The following DROSHA variants were observed in gnomAD, a reference collection of about 807,000 sequenced individuals.
DROSHA encodes the protein ribonuclease 3.
In DROSHA, 56 loss-of-function variants were observed where a neutral mutation model predicts 181.9. That is an observed-to-expected ratio of 0.31 (90% CI 0.25 to 0.38). DROSHA has a LOEUF of 0.38. Among genes scored for constraint, DROSHA ranks in the 10% least tolerant of loss-of-function variants. The pLI is 1.00. For synonymous variants in DROSHA, 524 were observed against 591.2 expected (o/e 0.89, Z 1.65); for missense variants, 1,218 against 1,743.5 (o/e 0.70, Z 5.37).
At chr5:31,444,355 G>T (rs1419584070) in intron 23 of DROSHA, among the ~76,000 whole-genome samples, 1 of 152,148 alleles carries the variant, frequency 6.6e-6, no homozygotes, top group African/African-American at 2.4e-5. Context: ...AGCAGCAAAG[G>T]CCAAATGTCA....
At position 31,526,734 on chromosome 5, in the gene DROSHA, G is replaced by A. The variant is rs35342496; in HGVS notation, c.199C>T (p.Pro67Ser). The A allele has an allele frequency of 2.6e-5, 41 of 1,578,266 alleles. No homozygotes were observed. The South Asian group carries it at 4.8e-4, about 19-fold the overall frequency. The change falls in exon 5 of 36, where the codon CCA becomes TCA. Residue 67 changes from proline to serine, a missense_variant. Around this residue, in one of 8 missense-constraint regions of DROSHA, gnomAD observed 536 missense variants for 535.4 expected, o/e 1.00. Transcript: ENST00000344624. The stretch of plus-strand genomic sequence containing the variant: ...CGTGGAGGGAGAAAATTGGGGGCTG[G>A]AGAGTTTGAGAAAGTGGTGGAAGGG... ...SAPSTTFSNS[P>S]APNFLPPRPD...
chr5:31,463,553 T>A (rs1028320939), intron 20 of DROSHA, among the ~76,000 whole-genome samples: 1 of 152,200 alleles, frequency 6.6e-6, no homozygotes, highest in Non-Finnish European at 1.5e-5. Context: ...TTTCCTTTAC[T>A]GTAATTCTCA....
intron 20 of DROSHA, among the ~76,000 whole-genome samples, chr5:31,462,579 T>C (rs1261737925): frequency 6.7e-6 from 1 of 148,564 alleles, no homozygotes; most frequent in Non-Finnish European, 1.5e-5. Context: ...ATTTGTGATA[T>C]AGCTGAAGAA....
At chr5:31,487,304 C>T (rs923415653) in intron 13 of DROSHA, among the ~76,000 whole-genome samples, 1 of 152,122 alleles carries the variant, frequency 6.6e-6, no homozygotes, top group African/African-American at 2.4e-5. Context: ...TAGAGTATAC[C>T]CCTCTCATTA....
chr5:31,428,493 T>C (rs1285529660), intron 27 of DROSHA, among the ~76,000 whole-genome samples: 1 of 152,068 alleles, frequency 6.6e-6, no homozygotes, highest in Non-Finnish European at 1.5e-5. Flanking sequence ...AGGACAAAAA[T>C]GGGGGACACA....
At chr5:31,480,228 A>T (rs1750888271) in intron 16 of DROSHA, among the ~76,000 whole-genome samples, 1 of 141,116 alleles carries the variant, frequency 7.1e-6, no homozygotes, top group East Asian at 2.1e-4. Context: ...AATGTCCATT[A>T]ATCATAGATA....
chr5:31,473,361 G>A (rs1474809624), intron 16 of DROSHA, among the ~76,000 whole-genome samples: 4 of 152,194 alleles, frequency 2.6e-5, no homozygotes, highest in Admixed American at 2.0e-4. Flanking sequence ...TTCTGTGTGA[G>A]CTGTGTTCCT....
intron 11 of DROSHA, among the ~76,000 whole-genome samples, chr5:31,502,582 C>T (rs1489744510): frequency 6.6e-6 from 1 of 152,160 alleles, no homozygotes; most frequent in Non-Finnish European, 1.5e-5. Context: ...AGTGGTACTG[C>T]CAGAGTCAAG....
Position 31,472,191 on chromosome 5 carries a change from A to G in DROSHA, c.2113T>C (p.Tyr705His). 1 of 1,613,576 alleles carries G rather than the reference A, an allele frequency of 6.2e-7. No individual in the cohort carries two copies. The highest frequency in any genetic ancestry group is 8.5e-7 in the Non-Finnish European group (1 of 1,179,692). Residue 705 changes from tyrosine to histidine, a missense_variant, in exon 17 of 36, where the codon TAC (tyrosine) becomes CAC (histidine). Transcript: ENST00000344624. ...EVLSMHQILL[Y>H]LLRCSKALVP... ...AGGGCTTTGCTGCACCTTAACAAGTACAGGAGAATCTGGTGCATGGACAGC... is the reference window on the plus strand; with the variant it reads ...AGGGCTTTGCTGCACCTTAACAAGTGCAGGAGAATCTGGTGCATGGACAGC...
In DROSHA at chr5:31,429,563, A is replaced by G. The variant is rs680177; in HGVS notation, c.3146-18T>C. On this transcript the variant is annotated intron_variant, in intron 26 of 35. Transcript: ENST00000344624. ...AACAGCTCCTAGATGAAAAACAGAGAATGCCAAAAGAGAGTCTCCATCAAC... is the reference window on the plus strand; with the variant it reads ...AACAGCTCCTAGATGAAAAACAGAGGATGCCAAAAGAGAGTCTCCATCAAC... 3 of 1,607,544 alleles carry G rather than the reference A, an allele frequency of 1.9e-6. No individual in the cohort carries two copies. In the African/African-American group the frequency reaches 4.0e-5, roughly 22 times the overall value.
At chr5:31,509,560 G>A (rs968463423) in intron 9 of DROSHA, among the ~76,000 whole-genome samples, 3 of 152,172 alleles carry the variant, frequency 2.0e-5, no homozygotes, top group African/African-American at 4.8e-5. Flanking sequence ...AGGCAAAAGC[G>A]TGGAGCTAAG....
At chr5:31,515,645 T>C (rs1458269743) in intron 6 of DROSHA, 81 bp from the exon 7 acceptor site, 2 of 1,517,458 alleles carry the variant, frequency 1.3e-6, no homozygotes, top group Non-Finnish European at 1.8e-6. Flanking sequence ...CAGTTTTGAA[T>C]CCTCCACATC....
At chr5:31,531,246 C>T (rs1741315258) in intron 2 of DROSHA, among the ~76,000 whole-genome samples, 1 of 152,156 alleles carries the variant, frequency 6.6e-6, no homozygotes, top group African/African-American at 2.4e-5. Flanking sequence ...GTGTGTGCCG[C>T]ACCTAGAGGT....
intron 30 of DROSHA, among the ~76,000 whole-genome samples, chr5:31,416,019 A>G (rs950739351): frequency 1.3e-5 from 2 of 152,238 alleles, no homozygotes; most frequent in Admixed American, 6.5e-5. Context: ...TAGCCAACTT[A>G]CAGAACAGAA....
At position 31,493,216 on chromosome 5, in the gene DROSHA, G is replaced by A; in HGVS notation, c.1833C>T (p.Pro611=). Reference sequence around the variant, plus strand: ...ACTGGCACATACTTACATTGGTCAGGGGGGCATGTGCAAACATAGAAAATC... The same window carrying A: ...ACTGGCACATACTTACATTGGTCAGAGGGGCATGTGCAAACATAGAAAATC... The part of the protein sequence containing the change: ...FEGFSMFAHA[P]LTNIPLCKVI... The change falls in exon 13 of 36, where the codon CCC becomes CCT. Residue 611 remains proline (P), a synonymous_variant. Transcript: ENST00000344624. 3.1e-6 allele frequency: 5 copies of A among 1,606,288 alleles called. No homozygotes were observed. The highest frequency in any genetic ancestry group is 1.7e-4 in the Middle Eastern group (1 of 6,054).
At chr5:31,433,375 TG>T in intron 25 of DROSHA, among the ~76,000 whole-genome samples, 1 of 152,300 alleles carries the variant, frequency 6.6e-6, no homozygotes, top group South Asian at 2.1e-4. Flanking sequence ...ACAACTTCAC[TG>T]GGAAAATTTA....
intron 27 of DROSHA, 84 bp downstream of exon 27, chr5:31,429,391 C>A: frequency 7.6e-7 from 1 of 1,313,302 alleles, no homozygotes; most frequent in Non-Finnish European, 1.0e-6. Context: ...CTCCTATATT[C>A]TCTTCAAATT....
At chr5:31,488,435 A>G (rs36014517) in intron 13 of DROSHA, among the ~76,000 whole-genome samples, 1 of 149,924 alleles carries the variant, frequency 6.7e-6, no homozygotes, top group Non-Finnish European at 1.5e-5. Context: ...AAAAAAAAAA[A>G]GATGGGGAGG....
chr5:31,431,920 A>G (rs1744227611), intron 25 of DROSHA, among the ~76,000 whole-genome samples: 1 of 152,188 alleles, frequency 6.6e-6, no homozygotes, highest in Non-Finnish European at 1.5e-5. Flanking sequence ...CAATAGTTCA[A>G]GTAGGGTTCA....
Sources: allele counts gnomAD v4.1 joint callset (sites outside exome capture counted in the v4.1 genomes callset), GRCh38; gene constraint gnomAD v4.1.1; regional missense constraint gnomAD v4.1.1; transcripts MANE v1.5; gene names NCBI Gene and HGNC (gene_info 2026-07-23, HGNC 2026-07-21).